Variants in FAM13A observed in about 807,000 individuals in gnomAD.
The protein encoded by FAM13A is family with sequence similarity 13 member A.
FAM13A carries 76 observed loss-of-function variants against 129.6 expected under a neutral mutation model. The ratio of observed to expected loss-of-function variants is 0.59; its 90% CI spans 0.49 to 0.71. The LOEUF is 0.71. Among genes scored for constraint, FAM13A ranks in the 30% least tolerant of loss-of-function variants. The pLI, the probability that FAM13A is intolerant of heterozygous loss-of-function variation, is 0.00. For synonymous variants in FAM13A, 443 were observed against 449.9 expected, an observed-to-expected ratio of 0.98 and a Z score of 0.20; for missense variants, 1,108 against 1,249.3, an observed-to-expected ratio of 0.89 and a Z score of 1.70.
chr4:88,899,130 A>G (rs1369492872), intron 6 of FAM13A, among the ~76,000 whole-genome samples: 2 of 152,020 alleles, frequency 1.3e-5, no homozygotes, highest in East Asian at 3.9e-4. Flanking sequence ...ATATATACAT[A>G]CATACGTATA....
At chr4:88,754,148 C>A (rs919983389) in intron 14 of FAM13A, among the ~76,000 whole-genome samples, 3 of 152,154 alleles carry the variant, frequency 2.0e-5, no homozygotes, top group African/African-American at 7.2e-5. Flanking sequence ...TGTGTCTTGT[C>A]ACAGTGAACT....
chr4:88,782,367 C>A (rs1378049501), intron 10 of FAM13A, among the ~76,000 whole-genome samples: 2 of 151,236 alleles, frequency 1.3e-5, no homozygotes, highest in African/African-American at 4.9e-5. Flanking sequence ...TGGTAAGGAA[C>A]AAATAAATGA....
intron 3 of FAM13A, among the ~76,000 whole-genome samples, chr4:89,012,186 C>T (rs1765822912): frequency 6.6e-6 from 1 of 152,158 alleles, no homozygotes; most frequent in Non-Finnish European, 1.5e-5. Context: ...TTACAATTCA[C>T]ACCTATTTCC....
At chr4:88,856,148 C>T (rs1481957437) in intron 6 of FAM13A, 1 of 152,142 alleles carries the variant, frequency 6.6e-6, no homozygotes, top group Non-Finnish European at 1.5e-5. Flanking sequence ...ACCCTAAGCA[C>T]TGTTCAGTTG....
At chr4:88,732,940 G>A (rs2149396836) in intron 21 of FAM13A, among the ~76,000 whole-genome samples, 1 of 151,728 alleles carries the variant, frequency 6.6e-6, no homozygotes, top group South Asian at 2.1e-4. Context: ...GCCAATTTAA[G>A]GCTATGTAAG....
intron 5 of FAM13A, among the ~76,000 whole-genome samples, chr4:88,925,967 C>G (rs767008997): frequency 2.6e-5 from 4 of 151,936 alleles, no homozygotes; most frequent in Non-Finnish European, 4.4e-5. Context: ...ACCAACTTAA[C>G]CAGAAGCAGA....
At chr4:89,031,036 A>T (rs183115731) in intron 1 of FAM13A, among the ~76,000 whole-genome samples, 88 of 152,246 alleles carry the variant, frequency 5.8e-4, no homozygotes, top group Non-Finnish European at 8.1e-4. Context: ...TATTATAAAT[A>T]AGTCATGGGG....
At chr4:88,886,004 T>TA (rs56673552) in intron 6 of FAM13A, among the ~76,000 whole-genome samples, 82,740 of 147,128 alleles carry the variant, frequency 0.56, 23,677 homozygotes, top group East Asian at 0.81. Flanking sequence ...AAGCAAAAAA[T>TA]AAAAAAAAAA....
At chr4:89,045,946 C>T (rs750580595) in intron 1 of FAM13A, among the ~76,000 whole-genome samples, 4 of 150,764 alleles carry the variant, frequency 2.7e-5, no homozygotes, top group Non-Finnish European at 5.9e-5. Flanking sequence ...ATCCCTTGAA[C>T]CTGGGAGGCG....
At chr4:88,786,630 C>T (rs1012072058) in intron 10 of FAM13A, among the ~76,000 whole-genome samples, 1 of 152,042 alleles carries the variant, frequency 6.6e-6, no homozygotes, top group Non-Finnish European at 1.5e-5. Flanking sequence ...AAAAGTACTG[C>T]ACATGCTACT....
At chr4:88,931,691 A>G (rs557960113) in intron 5 of FAM13A, among the ~76,000 whole-genome samples, 1 of 152,346 alleles carries the variant, frequency 6.6e-6, no homozygotes, top group South Asian at 2.1e-4. Flanking sequence ...TTTTAAAAAT[A>G]CATCATTTAA....
intron 5 of FAM13A, among the ~76,000 whole-genome samples, chr4:88,925,308 A>T (rs1433647576): frequency 6.6e-6 from 1 of 152,184 alleles, no homozygotes; most frequent in East Asian, 1.9e-4. Context: ...ACCAACCCAA[A>T]TGTCCAACAA....
intron 7 of FAM13A, among the ~76,000 whole-genome samples, chr4:88,846,506 G>T (rs1197222016): frequency 6.6e-6 from 1 of 152,168 alleles, no homozygotes; most frequent in African/African-American, 2.4e-5. Context: ...AGAAAAGTAT[G>T]AAGGATAAAA....
At chr4:88,824,999 A>ATAG (rs1732726769) in intron 7 of FAM13A, among the ~76,000 whole-genome samples, 1 of 151,968 alleles carries the variant, frequency 6.6e-6, no homozygotes, top group African/African-American at 2.4e-5. Context: ...TAAGCTTAAC[A>ATAG]CTTTAAATAG....
intron 6 of FAM13A, among the ~76,000 whole-genome samples, chr4:88,853,416 A>C (rs1339677096): frequency 6.6e-6 from 1 of 152,256 alleles, no homozygotes; most frequent in East Asian, 1.9e-4. Context: ...CATTAATAGC[A>C]AGAACATGAA....
chr4:88,769,054 T>C (rs2149552147), intron 11 of FAM13A, among the ~76,000 whole-genome samples: 1 of 152,356 alleles, frequency 6.6e-6, no homozygotes, highest in East Asian at 1.9e-4. Flanking sequence ...ATATTAAGCA[T>C]AATCCACTCA....
rs375307327 is a variant in FAM13A, at chr4:88,781,370, C to G, written c.1272-19G>C. The stretch of plus-strand genomic sequence containing the variant: ...AAGTCCCCTTGAATTGAGAAAAAAG[C>G]TTAATTTTATTTTAAAAGATCAAAT... On this transcript the variant is annotated intron_variant, in intron 10 of 23. Transcript: ENST00000264344. 2 of 1,545,058 alleles carry G rather than the reference C, an allele frequency of 1.3e-6. No individual in the cohort carries two copies. Among genetic ancestry groups the G allele is most frequent in the Non-Finnish European group, 1.8e-6 (2 of 1,136,048 alleles).
chr4:89,034,837 A>G (rs1257875276), intron 1 of FAM13A, among the ~76,000 whole-genome samples: 4 of 152,192 alleles, frequency 2.6e-5, no homozygotes, highest in African/African-American at 9.7e-5. Flanking sequence ...AGCTGAGTTC[A>G]TATCACTGCA....
chr4:89,044,293 C>T (rs910154728), intron 1 of FAM13A, among the ~76,000 whole-genome samples: 7 of 152,110 alleles, frequency 4.6e-5, no homozygotes, highest in Non-Finnish European at 7.4e-5. Context: ...CCAAATAAGA[C>T]ATAATGTGGC....
Sources: allele counts gnomAD v4.1 joint callset (sites outside exome capture counted in the v4.1 genomes callset), GRCh38; gene constraint gnomAD v4.1.1; transcripts MANE v1.5; gene names NCBI Gene and HGNC (gene_info 2026-07-23, HGNC 2026-07-21).